Variants in CACNG2 observed in about 807,000 individuals in gnomAD.
The protein encoded by CACNG2 is calcium voltage-gated channel auxiliary subunit gamma 2, also known as voltage-dependent calcium channel gamma-2 subunit.
CACNG2 carries 3 observed loss-of-function variants against 25.9 expected under a neutral mutation model. That is an observed-to-expected ratio of 0.12 (90% CI 0.05 to 0.30). The LOEUF is 0.30. Among genes scored for constraint, CACNG2 ranks in the 10% least tolerant of loss-of-function variants. The pLI, the probability that CACNG2 is intolerant of heterozygous loss-of-function variation, is 1.00. For synonymous variants in CACNG2, 167 were observed against 173.3 expected (o/e 0.96, Z 0.29); for missense variants, 341 against 432.5 (o/e 0.79, Z 1.88).
chr22:36,655,701 T>TTC (rs898187572), intron 1 of CACNG2, among the ~76,000 whole-genome samples: 2 of 150,438 alleles, frequency 1.3e-5, no homozygotes, highest in African/African-American at 5.0e-5. Context: ...CTTCCTTTCT[T>TTC]TCTTTCTCTT....
At chr22:36,605,737 C>T (rs1403893167) in intron 1 of CACNG2, among the ~76,000 whole-genome samples, 1 of 152,174 alleles carries the variant, frequency 6.6e-6, no homozygotes, top group Non-Finnish European at 1.5e-5. Flanking sequence ...TGCTGGGCCC[C>T]ACGGTCGGGG....
chr22:36,678,537 C>G (rs563180701), intron 1 of CACNG2, among the ~76,000 whole-genome samples: 9 of 152,152 alleles, frequency 5.9e-5, no homozygotes, highest in East Asian at 3.9e-4. Context: ...CAAGCCTTCT[C>G]CCCCACAGTT....
intron 1 of CACNG2, among the ~76,000 whole-genome samples, chr22:36,625,419 G>C (rs547261105): frequency 6.6e-6 from 1 of 152,258 alleles, no homozygotes; most frequent in South Asian, 2.1e-4. Context: ...TCTTGTTGGA[G>C]GGCAGGGTCC....
chr22:36,605,074 C>A (rs1433252190), intron 1 of CACNG2, among the ~76,000 whole-genome samples: 3 of 151,896 alleles, frequency 2.0e-5, no homozygotes, highest in Non-Finnish European at 4.4e-5. Context: ...TGCCCTTGGC[C>A]CAACATAACT....
intron 1 of CACNG2, among the ~76,000 whole-genome samples, chr22:36,663,053 G>C (rs1473860868): frequency 1.3e-5 from 2 of 151,868 alleles, no homozygotes; most frequent in Non-Finnish European, 2.9e-5. Context: ...AAAAAAGAGA[G>C]AGAGAGAGAC....
intron 1 of CACNG2, among the ~76,000 whole-genome samples, chr22:36,679,212 TTC>T (rs1345613004): frequency 9.7e-5 from 14 of 144,974 alleles, no homozygotes; most frequent in African/African-American, 3.4e-4. Context: ...CTTTCTTTCT[TTC>T]TTTCTTTCTT....
At chr22:36,656,196 G>T (rs1936704120) in intron 1 of CACNG2, among the ~76,000 whole-genome samples, 1 of 152,140 alleles carries the variant, frequency 6.6e-6, no homozygotes. Context: ...CTAATAAATA[G>T]ACTCACCTTA....
chr22:36,629,228 T>C (rs1936230905), intron 1 of CACNG2, among the ~76,000 whole-genome samples: 1 of 152,208 alleles, frequency 6.6e-6, no homozygotes, highest in African/African-American at 2.4e-5. Context: ...AAGCCTTAAA[T>C]ACTGGTGAAG....
rs1230442592 is a variant in CACNG2, at chr22:36,703,650, G to A, written c.-1074C>T. ...CTCCCTCCCCGGGGCAGCAAGGCCA[G>A]CGCAGAGCGGGGGCCGCCTTTCCTC... On this transcript the variant is annotated 5_prime_UTR_variant, in exon 1 of 4. Coordinates refer to ENST00000300105, the MANE Select transcript of CACNG2 (RefSeq NM_006078.5). The A allele has an allele frequency of 6.6e-6, 1 of 152,196 alleles. No homozygotes were observed. Among genetic ancestry groups the A allele is most frequent in the Non-Finnish European group, 1.5e-5 (1 of 68,060 alleles). The allele number at this position is 152,196 out of a possible 1,614,324, so 9.4% of individuals were successfully genotyped here.
intron 1 of CACNG2, among the ~76,000 whole-genome samples, chr22:36,645,564 A>G (rs1467582641): frequency 2.2e-5 from 3 of 135,302 alleles, no homozygotes; most frequent in Non-Finnish European, 4.8e-5. Context: ...AAAAAAAAAA[A>G]AAGAAATGCT....
At chr22:36,614,611 T>A (rs1352515188) in intron 1 of CACNG2, among the ~76,000 whole-genome samples, 1 of 152,190 alleles carries the variant, frequency 6.6e-6, no homozygotes. Flanking sequence ...ATGTTTCCGA[T>A]GCACCCAAGC....
chr22:36,572,563 G>A (rs549213621), intron 2 of CACNG2, among the ~76,000 whole-genome samples: 6 of 152,236 alleles, frequency 3.9e-5, no homozygotes, highest in East Asian at 1.9e-4. Context: ...TTAGCCCGGC[G>A]TGGTGGCGCA....
At chr22:36,698,302 G>A (rs1937366793) in intron 1 of CACNG2, among the ~76,000 whole-genome samples, 6 of 152,002 alleles carry the variant, frequency 3.9e-5, no homozygotes, top group African/African-American at 1.5e-4. Flanking sequence ...TATTTCTTAT[G>A]CGCTTCCTGT....
chr22:36,564,066 T>A lies in CACNG2; in HGVS notation c.*285A>T, dbSNP rs1935077570. Reference sequence around the variant, plus strand: ...TTTTTAATTTTTTATCCCTCTCGCTTTTTTTTAAAGTTTGTTTTCTTCCCT... The same window carrying A: ...TTTTTAATTTTTTATCCCTCTCGCTATTTTTTAAAGTTTGTTTTCTTCCCT... On this transcript the variant is annotated 3_prime_UTR_variant, in exon 4 of 4. Transcript: ENST00000300105. The surrounding 1 kb of genome is among the most constrained non-coding windows in gnomAD (Gnocchi z 6.7). 2 of 311,508 alleles carry A rather than the reference T, an allele frequency of 6.4e-6. No homozygotes were observed. 19.3% of individuals were successfully genotyped at this position (311,508 alleles called of 1,614,324 possible).
At chr22:36,672,631 G>A (rs541488767) in intron 1 of CACNG2, among the ~76,000 whole-genome samples, 3 of 152,250 alleles carry the variant, frequency 2.0e-5, no homozygotes, top group Non-Finnish European at 2.9e-5. Flanking sequence ...AGCACTTTCC[G>A]TTCTCCTCCA....
chr22:36,664,311 C>T (rs938615989), intron 1 of CACNG2, among the ~76,000 whole-genome samples: 1 of 152,176 alleles, frequency 6.6e-6, no homozygotes, highest in African/African-American at 2.4e-5. Flanking sequence ...TCTGCCTATT[C>T]ATTCATTCAA....
At chr22:36,677,302 C>T (rs1301071533) in intron 1 of CACNG2, among the ~76,000 whole-genome samples, 2 of 152,070 alleles carry the variant, frequency 1.3e-5, no homozygotes, top group Non-Finnish European at 2.9e-5. Flanking sequence ...TATATTTATC[C>T]CCATCATTCC....
rs1018352988 is a variant in CACNG2, at chr22:36,700,106, G to A, written c.211+2260C>T. On this transcript the variant is annotated intron_variant, in intron 1 of 3. Transcript: ENST00000300105. Reference sequence around the variant, plus strand: ...TACTGCCCGGGGGTAGTGAGGCCCCGCTGGGGAGAATGGCCCAACCCACAG... The same window carrying A: ...TACTGCCCGGGGGTAGTGAGGCCCCACTGGGGAGAATGGCCCAACCCACAG... Among the ~76,000 whole-genome samples, 9 of 152,360 alleles carry A rather than the reference G, an allele frequency of 5.9e-5. No homozygotes were observed. In the East Asian group the frequency reaches 9.7e-4, roughly 16 times the overall value.
intron 2 of CACNG2, among the ~76,000 whole-genome samples, chr22:36,571,148 A>G (rs779599630): frequency 6.6e-5 from 10 of 152,130 alleles, no homozygotes; most frequent in Admixed American, 1.3e-4. Flanking sequence ...GCCCAGCGGC[A>G]TTGGCATCTG....
Sources: gnomAD v4.1 joint callset for allele counts (sites outside exome capture counted in the v4.1 genomes callset) on GRCh38, gnomAD v4.1.1 for gene constraint, Gnocchi (gnomAD v3.1) non-coding constraint, MANE v1.5 for transcripts, NCBI Gene and HGNC (gene_info 2026-07-23, HGNC 2026-07-21) for gene names.